The following TRA2B variants were observed in gnomAD, a reference collection of about 807,000 sequenced individuals.
TRA2B encodes transformer-2 protein homolog beta.
A neutral mutation model predicts 41.7 loss-of-function variants in TRA2B; 14 were observed. The observed-to-expected ratio is 0.34, with a 90% CI of 0.22 to 0.53. TRA2B has a LOEUF of 0.53. TRA2B is among the 20% of genes least tolerant of loss of function. The pLI, the probability that TRA2B is intolerant of heterozygous loss-of-function variation, is 0.95. For synonymous variants in TRA2B, 130 were observed against 128.8 expected (o/e 1.01, Z -0.06); for missense variants, 167 against 396.8 (o/e 0.42, Z 4.92).
intron 1 of TRA2B, chr3:185,927,330 T>G (rs1274021552): frequency 6.6e-6 from 1 of 152,148 alleles, no homozygotes; most frequent in Non-Finnish European, 1.5e-5. Flanking sequence ...AAAACCCTAT[T>G]GCATCTAACC....
rs544977246 is a variant in TRA2B at position 185,935,056 on chromosome 3, C to T, written c.36+2769G>A. 7.1e-6 allele frequency: 7 copies of T among 985,428 alleles called. No individual in the cohort carries two copies. In the South Asian group the frequency reaches 2.8e-4, roughly 40 times the overall value. The allele number at this position is 985,428 out of a possible 1,614,324, so 61.0% of individuals were successfully genotyped here. A position where few individuals can be genotyped will look rare whatever the true frequency, so the allele number is the denominator to read the frequency against. ...GTGCAAGACCAACATACAAATCTCACACAACCTATACGCTGTGACCATTAT... is the reference window on the plus strand; with the variant it reads ...GTGCAAGACCAACATACAAATCTCATACAACCTATACGCTGTGACCATTAT... On this transcript the variant is annotated intron_variant, in intron 1 of 8. Coordinates refer to ENST00000453386, the MANE Select transcript of TRA2B (RefSeq NM_004593.3).
chr3:185,919,729 A>G (rs1467177324), intron 6 of TRA2B, among the ~76,000 whole-genome samples: 1 of 152,166 alleles, frequency 6.6e-6, no homozygotes, highest in Non-Finnish European at 1.5e-5. Context: ...AAAAAAATCA[A>G]ACTAAGAAAA....
intron 3 of TRA2B, chr3:185,925,217 A>C: frequency 2.7e-6 from 1 of 376,988 alleles, no homozygotes; most frequent in South Asian, 3.8e-5. Flanking sequence ...TGCAGTCGGA[A>C]GTTTTTTTTT....
chr3:185,918,225 C>A, intron 8 of TRA2B, 140 bp downstream of exon 8: 1 of 607,840 alleles, frequency 1.6e-6, no homozygotes. Context: ...CTTTCTTGAA[C>A]CAAAAAATGT....
rs574392471 is a variant in TRA2B, at chr3:185,916,110, A to C, written c.*1605T>G. 5.9e-5 allele frequency: 9 copies of C among 152,324 alleles called. No individual in the cohort carries two copies. Among genetic ancestry groups the C allele is most frequent in the African/African-American group, 2.2e-4 (9 of 41,562 alleles). The allele number at this position is 152,324 out of a possible 1,614,324, so 9.4% of individuals were successfully genotyped here. On this transcript the variant is annotated 3_prime_UTR_variant, in exon 9 of 9. Transcript: ENST00000453386. ...CTAAGGGTAGTTCTCTAAGCATATTAATTTACCACAAGTTGGCAAACACTG... is the reference window on the plus strand; with the variant it reads ...CTAAGGGTAGTTCTCTAAGCATATTCATTTACCACAAGTTGGCAAACACTG...
In TRA2B at chr3:185,917,687, A is replaced by AG; in HGVS notation, c.*27dup. ...TGCCCACAAACAATATCCCAGCTCT[A>AG]GGGCAGGTTTCAGAAAGTCTTCATG... is the stretch of plus-strand genomic sequence containing the variant. On this transcript the variant is annotated 3_prime_UTR_variant, in exon 9 of 9. Coordinates refer to ENST00000453386, the MANE Select transcript of TRA2B (RefSeq NM_004593.3). 3 of 1,612,192 alleles carry AG rather than the reference A, an allele frequency of 1.9e-6. No individual in the cohort carries two copies. The highest frequency in any genetic ancestry group is 2.5e-6 in the Non-Finnish European group (3 of 1,178,616).
intron 1 of TRA2B, chr3:185,934,885 A>G (rs1744288823): frequency 2.0e-6 from 2 of 985,328 alleles, no homozygotes; most frequent in Non-Finnish European, 1.2e-6. Flanking sequence ...AATAGCCAGT[A>G]TTCTATCAGA....
At chr3:185,936,992 G>C in intron 1 of TRA2B, 1 of 985,324 alleles carries the variant, frequency 1.0e-6, no homozygotes, top group South Asian at 4.7e-5. Flanking sequence ...TCAAAACAAA[G>C]GAAATAACGG....
intron 4 of TRA2B, chr3:185,922,926 A>C (rs1743795682): frequency 6.6e-6 from 1 of 152,190 alleles, no homozygotes; most frequent in Non-Finnish European, 1.5e-5. Flanking sequence ...CTGGCACTAG[A>C]GATTAAGATA....
At chr3:185,924,059 A>G (rs1236757690) in intron 3 of TRA2B, 75 bp from the exon 4 acceptor site, 3 of 1,334,340 alleles carry the variant, frequency 2.2e-6, no homozygotes, top group Non-Finnish European at 2.0e-6. Flanking sequence ...GGAGCTGTAT[A>G]CTAGCCAAAA....
intron 1 of TRA2B, chr3:185,936,676 G>T (rs77399755): frequency 8.2e-4 from 676 of 824,904 alleles, no homozygotes; most frequent in East Asian, 3.6e-3. Context: ...GTAACAAATT[G>T]TTTTTTTTTT....
At position 185,915,977 on chromosome 3, in the gene TRA2B, T is replaced by G. The variant is rs1354161551; in HGVS notation, c.*1738A>C. 6.6e-6 allele frequency: 1 copy of G among 152,210 alleles called. No individual in the cohort carries two copies. Among genetic ancestry groups the G allele is most frequent in the Non-Finnish European group, 1.5e-5 (1 of 68,026 alleles). The allele number at this position is 152,210 out of a possible 1,614,324, so 9.4% of individuals were successfully genotyped here. A position where few individuals can be genotyped will look rare whatever the true frequency, so the allele number is the denominator to read the frequency against. ...CTGGGACCACACCCTAAAACTCAACTTTATATATAAATACTACAAATTCTT... is the reference window on the plus strand; with the variant it reads ...CTGGGACCACACCCTAAAACTCAACGTTATATATAAATACTACAAATTCTT... On this transcript the variant is annotated 3_prime_UTR_variant, in exon 9 of 9. Transcript: ENST00000453386.
chr3:185,926,858 G>T, intron 1 of TRA2B, 124 bp from the exon 2 acceptor site: 1 of 1,190,198 alleles, frequency 8.4e-7, no homozygotes, highest in Non-Finnish European at 1.2e-6. Flanking sequence ...ATATAGGTAA[G>T]GGCAGGAACT....
chr3:185,925,829 C>G (rs1470526459), intron 2 of TRA2B, among the ~76,000 whole-genome samples: 1 of 152,230 alleles, frequency 6.6e-6, no homozygotes, highest in East Asian at 1.9e-4. Context: ...ACCACAAGCT[C>G]TCCTCCAGTA....
At chr3:185,918,761 C>A (rs866912549) in intron 7 of TRA2B, among the ~76,000 whole-genome samples, 54 of 152,202 alleles carry the variant, frequency 3.5e-4, no homozygotes, top group African/African-American at 1.3e-3. Flanking sequence ...ATAATCCCAG[C>A]ACTTTGGGAG....
chr3:185,927,860 G>C (rs1447690716), intron 1 of TRA2B: 1 of 152,224 alleles, frequency 6.6e-6, no homozygotes. Flanking sequence ...CAGTCTGATA[G>C]CTAGGTAAAA....
intron 5 of TRA2B, among the ~76,000 whole-genome samples, chr3:185,921,522 T>TG (rs776290327): frequency 2.0e-4 from 31 of 152,158 alleles, no homozygotes; most frequent in Non-Finnish European, 3.4e-4. Flanking sequence ...CCCAGCTCTT[T>TG]GGGAGGCCGA....
In TRA2B at chr3:185,916,579, C is replaced by T. The variant is rs899363658; in HGVS notation, c.*1136G>A. 1.4e-4 allele frequency: 21 copies of T among 152,402 alleles called. No individual in the cohort carries two copies. The highest frequency in any genetic ancestry group is 4.6e-4 in the African/African-American group (19 of 41,440). The allele number at this position is 152,402 out of a possible 1,614,324, so 9.4% of individuals were successfully genotyped here. ...GATCACTCTAATACCTAGTTATGCA[C>T]TCTGAATTTTCCAGGAATACAGAAA... On this transcript the variant is annotated 3_prime_UTR_variant, in exon 9 of 9. Coordinates refer to ENST00000453386, the MANE Select transcript of TRA2B (RefSeq NM_004593.3).
At chr3:185,918,769 G>A (rs1019673877) in intron 7 of TRA2B, among the ~76,000 whole-genome samples, 3 of 152,096 alleles carry the variant, frequency 2.0e-5, no homozygotes, top group Non-Finnish European at 2.9e-5. Flanking sequence ...AGCACTTTGG[G>A]AGGCCAAGGC....
Sources: allele counts gnomAD v4.1 joint callset (sites outside exome capture counted in the v4.1 genomes callset), GRCh38; gene constraint gnomAD v4.1.1; transcripts MANE v1.5; gene names NCBI Gene and HGNC (gene_info 2026-07-23, HGNC 2026-07-21).